The following ROS1 variants were observed in gnomAD, a reference collection of about 807,000 sequenced individuals.
ROS1 encodes the protein proto-oncogene tyrosine-protein kinase ROS.
Under a neutral mutation model 273.5 loss-of-function variants are expected in ROS1, and 263 were observed. That is an observed-to-expected ratio of 0.96 (90% confidence interval 0.87 to 1.06). The LOEUF is 1.06. Among genes scored for constraint, ROS1 ranks in the 50% least tolerant of loss-of-function variants. The probability of loss-of-function intolerance (pLI) is 0.00; values close to 1 mark genes in which losing one functional copy is unlikely to be tolerated. For synonymous variants in ROS1, 1,008 were observed against 954.1 expected (o/e 1.06, Z -1.04); for missense variants, 2,833 against 2,751.1 (o/e 1.03, Z -0.67).
At chr6:117,310,340 C>A (rs2128548940) in intron 40 of ROS1, 59 bp from the exon 41 acceptor site, 2 of 1,276,272 alleles carry the variant, frequency 1.6e-6, no homozygotes, top group South Asian at 1.5e-5. Context: ...TTCCAGAAAT[C>A]AAAGAAGTAG....
At chr6:117,372,295 G>A (rs1031897034) in intron 18 of ROS1, among the ~76,000 whole-genome samples, 1 of 152,144 alleles carries the variant, frequency 6.6e-6, no homozygotes, top group Admixed American at 6.5e-5. Flanking sequence ...TCAGTAAAGA[G>A]GAAGTCATAC....
intron 31 of ROS1, among the ~76,000 whole-genome samples, chr6:117,340,909 C>T (rs1257722616): frequency 1.3e-5 from 2 of 151,952 alleles, no homozygotes; most frequent in Admixed American, 1.3e-4. Flanking sequence ...TACACTATAA[C>T]TTATACCCTT....
chr6:117,389,657 G>GC lies in ROS1; in HGVS notation c.1478dup (p.Ser494LeufsTer14), dbSNP rs1463718903. 4.3e-6 allele frequency: 7 copies of GC among 1,614,206 alleles called. No homozygotes were observed. Among genetic ancestry groups the GC allele is most frequent in the African/African-American group, 1.3e-5 (1 of 75,064 alleles). ...GAGGTAGGATGAGATGGGAAGCAGA[G>GC]CCATCCAGAAATGTTGACATGAAGA... On this transcript the variant is annotated frameshift_variant, in exon 13 of 44. Transcript: ENST00000368507. LOFTEE classifies it high-confidence loss of function.
At position 117,396,911 on chromosome 6, in the gene ROS1, T is replaced by C. The variant is rs566697406; in HGVS notation, c.806+4A>G. 647 of 1,599,380 alleles carry C rather than the reference T, an allele frequency of 4.0e-4. No homozygotes were observed. Among genetic ancestry groups the C allele is most frequent in the Non-Finnish European group, 5.4e-4 (633 of 1,166,820 alleles). On this transcript the variant is annotated splice_donor_region_variant and intron_variant, in intron 8 of 43. Transcript: ENST00000368507. ...CATTTTCCTCTGTATCACTTAATTC[T>C]TACCTGTAGATAGTATTTGGTAAAG...
At chr6:117,335,774 G>A (rs1777415107) in intron 32 of ROS1, among the ~76,000 whole-genome samples, 2 of 152,218 alleles carry the variant, frequency 1.3e-5, no homozygotes, top group South Asian at 4.2e-4. Context: ...CTCATAAGTG[G>A]GAGTTGAACA....
intron 42 of ROS1, among the ~76,000 whole-genome samples, chr6:117,303,295 T>C (rs1339313028): frequency 6.6e-6 from 1 of 152,170 alleles, no homozygotes; most frequent in Non-Finnish European, 1.5e-5. Flanking sequence ...AATCACAAAT[T>C]ATAAGTTCTT....
chr6:117,290,877 A>C (rs966130193), intron 43 of ROS1, among the ~76,000 whole-genome samples: 12 of 152,156 alleles, frequency 7.9e-5, no homozygotes, highest in Non-Finnish European at 1.2e-4. Flanking sequence ...CTCTACGTAC[A>C]TATCTCCAAC....
intron 24 of ROS1, 54 bp downstream of exon 24, chr6:117,359,755 T>C (rs369280767): frequency 1.1e-5 from 15 of 1,404,756 alleles, no homozygotes; most frequent in East Asian, 9.1e-5. Flanking sequence ...CAAAGTAGTG[T>C]CATATGCAAA....
At chr6:117,328,002 G>A (rs1319008717) in intron 33 of ROS1, among the ~76,000 whole-genome samples, 1 of 152,198 alleles carries the variant, frequency 6.6e-6, no homozygotes, top group African/African-American at 2.4e-5. Context: ...CCGCTGATAC[G>A]TTGGTTTCAG....
In ROS1 at chr6:117,347,414, G is replaced by A. The variant is rs115035870; in HGVS notation, c.4304-3152C>T. ...TGATTGAGTTTAGTATATTAACCTC[G>A]TGTCCTGCAAACTTGCTATAATCAC... is the stretch of plus-strand genomic sequence containing the variant. On this transcript the variant is annotated intron_variant, in intron 27 of 43. Transcript: ENST00000368507. Among the ~76,000 whole-genome samples, 425 of 152,132 alleles carry A rather than the reference G, an allele frequency of 2.8e-3. 2 individuals are homozygous for A. Among genetic ancestry groups the A allele is most frequent in the African/African-American group, 9.6e-3 (400 of 41,534 alleles).
Position 117,387,789 on chromosome 6 carries a change from G to A in ROS1, c.1990C>T (p.Leu664=), listed in dbSNP as rs760673941. The A allele has an allele frequency of 6.2e-7, 1 of 1,613,982 alleles. No homozygotes were observed. The highest frequency in any genetic ancestry group is 8.5e-7 in the Non-Finnish European group (1 of 1,179,918). The change falls in exon 14 of 44, where the codon CTG becomes TTG. Residue 664 remains leucine, a synonymous_variant. Transcript: ENST00000368507. Reference sequence around the variant, plus strand: ...CAGAACATTTTCTCACCTGGCACCAGGGTAGTACCCACTGAGGGCTCTGAC... The same window carrying A: ...CAGAACATTTTCTCACCTGGCACCAAGGTAGTACCCACTGAGGGCTCTGAC... The part of the protein sequence containing the change: ...PWSEPSVGTT[L]VPASEPPFIM...
At chr6:117,419,320 T>G (rs892882537) in intron 1 of ROS1, among the ~76,000 whole-genome samples, 3 of 152,184 alleles carry the variant, frequency 2.0e-5, no homozygotes, top group African/African-American at 7.2e-5. Flanking sequence ...GTAAGGATGC[T>G]CCAAAAGTCC....
In ROS1 at chr6:117,342,337, A is replaced by G; in HGVS notation, c.4651+63T>C. On this transcript the variant is annotated intron_variant, in intron 29 of 43. Transcript: ENST00000368507. ...TTCAGATTTTAAAAAATAAACATCA[A>G]CATACACAGCACATATATCACAATA... 3 of 1,423,592 alleles carry G rather than the reference A, an allele frequency of 2.1e-6. No homozygotes were observed. The South Asian group carries it at 3.8e-5, about 18-fold the overall frequency. 88.2% of individuals were successfully genotyped at this position (1,423,592 alleles called of 1,614,324 possible).
At chr6:117,414,806 A>G (rs1300803907) in intron 3 of ROS1, among the ~76,000 whole-genome samples, 1 of 152,242 alleles carries the variant, frequency 6.6e-6, no homozygotes, top group African/African-American at 2.4e-5. Flanking sequence ...CAGCAGGCTG[A>G]GGTAATCTGT....
chr6:117,407,303 G>A (rs948234350), intron 5 of ROS1, among the ~76,000 whole-genome samples: 2 of 151,972 alleles, frequency 1.3e-5, no homozygotes, highest in African/African-American at 4.8e-5. Flanking sequence ...GATGCCCTAG[G>A]GAATTCTGGA....
Position 117,379,308 on chromosome 6 carries a change from C to T in ROS1, c.2482-149G>A, listed in dbSNP as rs138661377. 43 of 590,148 alleles carry T rather than the reference C, an allele frequency of 7.3e-5. No homozygotes were observed. In the African/African-American group the frequency reaches 7.8e-4, roughly 11 times the overall value. The allele number at this position is 590,148 out of a possible 1,614,324, so 36.6% of individuals were successfully genotyped here. ...TTTTTACTTTTTTCTGACTATAAAACTTATATGATTATGCTTATTACTGTT... is the reference window on the plus strand; with the variant it reads ...TTTTTACTTTTTTCTGACTATAAAATTTATATGATTATGCTTATTACTGTT... On this transcript the variant is annotated intron_variant, in intron 17 of 43. Transcript: ENST00000368507.
intron 26 of ROS1, 59 bp downstream of exon 26, chr6:117,356,570 T>C (rs950613889): frequency 2.1e-6 from 3 of 1,460,170 alleles, no homozygotes; most frequent in South Asian, 2.6e-5. Flanking sequence ...CCTTTGTAAA[T>C]GCAGTTGAAG....
At chr6:117,307,049 G>A (rs1775156055) in intron 42 of ROS1, among the ~76,000 whole-genome samples, 2 of 152,108 alleles carry the variant, frequency 1.3e-5, no homozygotes, top group African/African-American at 2.4e-5. Flanking sequence ...AGATAAAACT[G>A]TATAGAATAT....
At chr6:117,331,969 A>G (rs1251659919) in intron 32 of ROS1, among the ~76,000 whole-genome samples, 2 of 152,228 alleles carry the variant, frequency 1.3e-5, no homozygotes, top group Non-Finnish European at 2.9e-5. Flanking sequence ...TCATGGTGAC[A>G]GGATCAAACT....
Sources: allele counts gnomAD v4.1 joint callset (sites outside exome capture counted in the v4.1 genomes callset), GRCh38; gene constraint gnomAD v4.1.1; transcripts MANE v1.5; gene names NCBI Gene and HGNC (gene_info 2026-07-23, HGNC 2026-07-21).